Variants in FGD6 observed in about 807,000 individuals in gnomAD.
FGD6 encodes the protein FYVE, RhoGEF and PH domain-containing protein 6.
A neutral mutation model predicts 149.4 loss-of-function variants in FGD6; 90 were observed. That is an observed-to-expected ratio of 0.60 (90% CI 0.51 to 0.72). FGD6 has a LOEUF of 0.72. Among genes scored for constraint, FGD6 ranks in the 30% least tolerant of loss-of-function variants. The pLI, the probability that FGD6 is intolerant of heterozygous loss-of-function variation, is 0.00. For missense variants in FGD6, 1,437 were observed against 1,684.8 expected (o/e 0.85, Z 2.57); for synonymous variants, 527 against 584.0 (o/e 0.90, Z 1.41).
At chr12:95,124,988 A>T (rs550184254) in intron 8 of FGD6, among the ~76,000 whole-genome samples, 103 of 152,328 alleles carry the variant, frequency 6.8e-4, no homozygotes, top group African/African-American at 2.3e-3. Flanking sequence ...CTATGTCATG[A>T]TTAAAAAATA....
chr12:95,113,226 CA>C (rs1314829686), intron 9 of FGD6, among the ~76,000 whole-genome samples: 1 of 130,206 alleles, frequency 7.7e-6, no homozygotes, highest in Admixed American at 8.9e-5. Context: ...AGGAAGGCCT[CA>C]AGTCTTTTTT....
intron 14 of FGD6, chr12:95,100,491 C>CTGTCTCGCCCACCA (rs1341975125): frequency 9.1e-6 from 3 of 328,394 alleles, no homozygotes; most frequent in African/African-American, 6.5e-5. Flanking sequence ...CGTGGCTACA[C>CTGTCTCGCCCACCA]TGTCTCGCCC....
chr12:95,153,912 C>CGTGT (rs754945627), intron 3 of FGD6, among the ~76,000 whole-genome samples: 6,966 of 141,210 alleles, frequency 0.049, 231 homozygotes, highest in Middle Eastern at 0.075. Flanking sequence ...AAATGAAATT[C>CGTGT]GTGTGTGTGT....
In FGD6 at chr12:95,077,401, A is replaced by G. The variant is rs1367376214; in HGVS notation, c.*4119T>C. The G allele has an allele frequency of 6.6e-6, 1 of 152,360 alleles. No individual in the cohort carries two copies. The highest frequency in any genetic ancestry group is 2.4e-5 in the African/African-American group (1 of 41,476). 9.4% of individuals were successfully genotyped at this position (152,360 alleles called of 1,614,324 possible). On this transcript the variant is annotated 3_prime_UTR_variant, in exon 21 of 21. Coordinates refer to ENST00000343958, the MANE Select transcript of FGD6 (RefSeq NM_018351.4). The stretch of plus-strand genomic sequence containing the variant: ...GGGAGAGAAAGACTAAGGGTCAGCT[A>G]TCACAGAGAAGTCTTGGATAAACAG...
chr12:95,163,533 C>T (rs181817190), intron 3 of FGD6, among the ~76,000 whole-genome samples: 3 of 152,170 alleles, frequency 2.0e-5, no homozygotes, highest in African/African-American at 7.2e-5. Context: ...GCACATAGCA[C>T]GCTGCTTGGT....
intron 3 of FGD6, among the ~76,000 whole-genome samples, chr12:95,158,862 AAAT>A (rs59224007): frequency 3.3e-5 from 5 of 150,262 alleles, no homozygotes; most frequent in Admixed American, 6.7e-5. Context: ...TCGTTAGTAA[AAAT>A]AATAATAATA....
rs375124827 is a variant in FGD6 at position 95,153,013 on chromosome 12, T to C, written c.2587-20A>G. The C allele has an allele frequency of 1.3e-5, 21 of 1,601,452 alleles. No homozygotes were observed. The highest frequency in any genetic ancestry group is 1.8e-5 in the Non-Finnish European group (21 of 1,169,420). On this transcript the variant is annotated intron_variant, in intron 3 of 20. Coordinates refer to ENST00000343958, the MANE Select transcript of FGD6 (RefSeq NM_018351.4). ...TTCATCCTGTGGATAAGAGCACATT[T>C]AACATGAACTCATAAAAGAATAATG...
Position 95,145,317 on chromosome 12 carries a change from C to A in FGD6, c.2686-3778G>T, listed in dbSNP as rs148399340. 4.5e-4 allele frequency among the ~76,000 whole-genome samples: 69 copies of A among 152,240 alleles called. 1 individual carries two copies. The highest frequency in any genetic ancestry group is 1.5e-5 in the Non-Finnish European group (1 of 68,024). ...GAATTACATATTCTAAGTAAGCACT[C>A]GGCAAAGATTCTGTACTGGTCAGGT... On this transcript the variant is annotated intron_variant, in intron 5 of 20. Transcript: ENST00000343958.
intron 3 of FGD6, among the ~76,000 whole-genome samples, chr12:95,161,428 A>T (rs893523507): frequency 2.6e-5 from 4 of 151,472 alleles, no homozygotes; most frequent in Non-Finnish European, 5.9e-5. Flanking sequence ...CCCAGGAGGC[A>T]GAGGTTGCAG....
chr12:95,118,532 T>C (rs868450488), intron 8 of FGD6, among the ~76,000 whole-genome samples: 1 of 152,166 alleles, frequency 6.6e-6, no homozygotes, highest in South Asian at 2.1e-4. Context: ...TAACCATTAA[T>C]AAAAATTAGT....
intron 15 of FGD6, among the ~76,000 whole-genome samples, chr12:95,094,170 A>G (rs1180606243): frequency 6.6e-6 from 1 of 151,968 alleles, no homozygotes; most frequent in African/African-American, 2.4e-5. Context: ...AAAAAAAAAA[A>G]AGAAAGAAAA....
chr12:95,152,805 A>G lies in FGD6; in HGVS notation c.2685+6T>C. The G allele has an allele frequency of 1.2e-6, 2 of 1,611,342 alleles. No homozygotes were observed. Among genetic ancestry groups the G allele is most frequent in the Non-Finnish European group, 1.7e-6 (2 of 1,178,324 alleles). On this transcript the variant is annotated splice_donor_region_variant and intron_variant, in intron 5 of 20. Transcript: ENST00000343958. Reference sequence around the variant, plus strand: ...AGACTTCAAGAAAATATTAGCAGATACTTACAATATGCAAAAGTTTTAACA... The same window carrying G: ...AGACTTCAAGAAAATATTAGCAGATGCTTACAATATGCAAAAGTTTTAACA...
At chr12:95,112,356 T>G (rs911580147) in intron 9 of FGD6, among the ~76,000 whole-genome samples, 25 of 152,046 alleles carry the variant, frequency 1.6e-4, no homozygotes, top group African/African-American at 5.6e-4. Context: ...TCCCAGCACT[T>G]TGGGAAGCCA....
At chr12:95,137,397 T>C (rs557399311) in intron 7 of FGD6, 125 bp downstream of exon 7, 1 of 787,378 alleles carries the variant, frequency 1.3e-6, no homozygotes, top group Non-Finnish European at 1.9e-6. Flanking sequence ...ATCTTTGATT[T>C]TGAAGGGATT....
chr12:95,145,562 A>G (rs1187604849), intron 5 of FGD6, among the ~76,000 whole-genome samples: 1 of 151,984 alleles, frequency 6.6e-6, no homozygotes, highest in Non-Finnish European at 1.5e-5. Context: ...TTTTCCATCC[A>G]CTAACGCCCA....
intron 2 of FGD6, among the ~76,000 whole-genome samples, chr12:95,180,503 C>T (rs1166509114): frequency 6.6e-6 from 1 of 151,664 alleles, no homozygotes; most frequent in Non-Finnish European, 1.5e-5. Context: ...AGTGATCCTC[C>T]AGCCTCAGGC....
chr12:95,158,797 G>T (rs1043524113), intron 3 of FGD6, among the ~76,000 whole-genome samples: 6 of 151,952 alleles, frequency 3.9e-5, no homozygotes, highest in African/African-American at 1.4e-4. Context: ...CAAGGTGGGA[G>T]GATTGCTTGA....
intron 2 of FGD6, among the ~76,000 whole-genome samples, chr12:95,207,945 G>T (rs771895199): frequency 7.2e-5 from 11 of 152,156 alleles, no homozygotes; most frequent in Admixed American, 1.3e-4. Context: ...CAGGTAGGAA[G>T]TGCACACACA....
chr12:95,104,972 A>G (rs201367645), intron 14 of FGD6, 35 bp downstream of exon 14: 120 of 12,852 alleles, frequency 9.3e-3, no homozygotes, highest in East Asian at 0.071. Context: ...TCAGAATGAG[A>G]AAAAAAAAAA....
Sources: gnomAD v4.1 joint callset for allele counts (sites outside exome capture counted in the v4.1 genomes callset) on GRCh38, gnomAD v4.1.1 for gene constraint, MANE v1.5 for transcripts, NCBI Gene and HGNC (gene_info 2026-07-23, HGNC 2026-07-21) for gene names.